ABR: variants seen among roughly 807,000 people sequenced by gnomAD.
The protein encoded by ABR is active breakpoint cluster region-related protein.
Under a neutral mutation model 107.2 loss-of-function variants are expected in ABR, and 35 were observed. That is an observed-to-expected ratio of 0.33 (90% CI 0.25 to 0.43). The LOEUF is 0.43. ABR is among the 20% of genes least tolerant of loss of function. The pLI is 1.00. For synonymous variants in ABR, 498 were observed against 462.0 expected (o/e 1.08, Z -1.00); for missense variants, 815 against 1,115.2 (o/e 0.73, Z 3.83).
intron 1 of ABR, chr17:1,228,712 G>A (rs1417526689): frequency 2.0e-5 from 3 of 151,936 alleles, no homozygotes; most frequent in Non-Finnish European, 4.4e-5. Context: ...CAGGGCCGCG[G>A]AGTCGGCCGG....
rs111739621 is a variant in ABR, at chr17:1,070,850, C to T, written c.895-760G>A. Among the ~76,000 whole-genome samples, 1,289 of 152,222 alleles carry T rather than the reference C, an allele frequency of 8.5e-3. 22 individuals carry two copies. Among genetic ancestry groups the T allele is most frequent in the African/African-American group, 0.029 (1,203 of 41,528 alleles). Reference sequence around the variant, plus strand: ...ACATCTGCTGTAATACGTAGGTGAGCGTATTCAAAGTATACAATTAAGATG... The same window carrying T: ...ACATCTGCTGTAATACGTAGGTGAGTGTATTCAAAGTATACAATTAAGATG... On this transcript the variant is annotated intron_variant, in intron 8 of 22. Transcript: ENST00000302538. The surrounding 1 kb of genome is among the most constrained non-coding windows in gnomAD (Gnocchi z 4.2).
chr17:1,108,364 A>G (rs1369136839), intron 2 of ABR, among the ~76,000 whole-genome samples: 3 of 152,194 alleles, frequency 2.0e-5, no homozygotes, highest in Non-Finnish European at 4.4e-5. Context: ...CGTCAGCCCC[A>G]GAGCGGGTGG....
intron 1 of ABR, among the ~76,000 whole-genome samples, chr17:1,197,589 C>A (rs1399457070): frequency 6.6e-6 from 1 of 151,652 alleles, no homozygotes; most frequent in Non-Finnish European, 1.5e-5. Flanking sequence ...GTTGCTGTTT[C>A]TGTCTGATTG....
At chr17:1,046,373 T>G (rs1353595887) in intron 16 of ABR, among the ~76,000 whole-genome samples, 1 of 151,748 alleles carries the variant, frequency 6.6e-6, no homozygotes, top group Non-Finnish European at 1.5e-5. Context: ...CCCGACCTTG[T>G]AATCCGCCCG....
chr17:1,018,849 T>C (rs1420061857), intron 16 of ABR, among the ~76,000 whole-genome samples: 13 of 152,172 alleles, frequency 8.5e-5, no homozygotes, highest in South Asian at 2.1e-4. Context: ...AGCAGACATA[T>C]GCGGTTTAAG....
At chr17:1,031,027 C>T (rs2072688435) in intron 16 of ABR, among the ~76,000 whole-genome samples, 1 of 152,214 alleles carries the variant, frequency 6.6e-6, no homozygotes, top group Non-Finnish European at 1.5e-5. Flanking sequence ...TGCAGGGGCA[C>T]CGGCGGTCTG....
intron 1 of ABR, chr17:1,186,754 C>T (rs1018994278): frequency 2.6e-5 from 4 of 152,460 alleles, no homozygotes; most frequent in Admixed American, 6.5e-5. Flanking sequence ...AGGGTCCGTC[C>T]GAGGGCTCGA....
intron 2 of ABR, 58 bp downstream of exon 2, chr17:1,125,125 T>C (rs2151450475): frequency 6.7e-7 from 1 of 1,492,050 alleles, no homozygotes; most frequent in South Asian, 1.3e-5. Flanking sequence ...TGGCCCACGA[T>C]GCCCAGGCCT....
intron 1 of ABR, among the ~76,000 whole-genome samples, chr17:1,164,570 TCTAC>T (rs2041430328): frequency 6.7e-6 from 1 of 149,514 alleles, no homozygotes; most frequent in African/African-American, 2.5e-5. Context: ...AAGCTTTCGG[TCTAC>T]AGATAAAATG....
intron 16 of ABR, among the ~76,000 whole-genome samples, chr17:1,046,883 G>A (rs1339690027): frequency 6.6e-6 from 1 of 152,206 alleles, no homozygotes. Flanking sequence ...ATCACACGAG[G>A]AGATGGCATT....
At chr17:1,091,495 G>T (rs2289632) in intron 4 of ABR, among the ~76,000 whole-genome samples, 170 bp downstream of exon 4, 17,265 of 152,208 alleles carry the variant, frequency 0.11, 1,132 homozygotes, top group South Asian at 0.19. Context: ...TCAAGGCCCC[G>T]GCCCCAGGCA....
At chr17:1,065,736 C>A (rs980430670) in intron 10 of ABR, among the ~76,000 whole-genome samples, 1 of 134,974 alleles carries the variant, frequency 7.4e-6, no homozygotes, top group Non-Finnish European at 1.5e-5. Flanking sequence ...ACTTTCCAAA[C>A]CAATGCTTTT....
chr17:1,220,988 C>G (rs1340753044), intron 1 of ABR, among the ~76,000 whole-genome samples: 2 of 152,034 alleles, frequency 1.3e-5, no homozygotes, highest in East Asian at 1.9e-4. Flanking sequence ...TGCACAGGGC[C>G]GTGGCTCCGT....
rs2036475004 is a variant in ABR, at chr17:1,084,624, AT to A, written c.532-998del. 6.6e-6 allele frequency among the ~76,000 whole-genome samples: 1 copy of A among 152,134 alleles called. No homozygotes were observed. Among genetic ancestry groups the A allele is most frequent in the African/African-American group, 2.4e-5 (1 of 41,434 alleles). On this transcript the variant is annotated intron_variant, in intron 4 of 22. Coordinates refer to ENST00000302538, the MANE Select transcript of ABR (RefSeq NM_021962.5). This position sits in a 1 kb window ranked among gnomAD's most constrained non-coding sequence, Gnocchi z 4.2. ...GGGGAAACCGAGGCTCCATAAGTCA[AT>A]TCCCCAAATATTTATGGAAAGGCTT...
intron 16 of ABR, among the ~76,000 whole-genome samples, chr17:1,036,666 G>A (rs1323751366): frequency 1.3e-5 from 2 of 152,120 alleles, no homozygotes; most frequent in African/African-American, 4.8e-5. Context: ...GTGCGAGTTG[G>A]GCGGGAGGAT....
At chr17:1,012,579 TA>T in intron 18 of ABR, 108 bp downstream of exon 18, 1 of 799,898 alleles carries the variant, frequency 1.3e-6, no homozygotes, top group Non-Finnish European at 2.1e-6. Flanking sequence ...GAGCGGGGGG[TA>T]ACTGATTAGG....
chr17:1,143,468 C>G lies in ABR; in HGVS notation c.62-18101G>C, dbSNP rs1305463865. Among the ~76,000 whole-genome samples, 3 of 107,828 alleles carry G rather than the reference C, an allele frequency of 2.8e-5. No individual in the cohort carries two copies. In the Admixed American group the frequency reaches 3.2e-4, roughly 11 times the overall value. The allele number at this position is 107,828 out of a possible 152,430, so 70.7% of individuals were successfully genotyped here. ...GACAGCTCGCTCCTGGGGGGCAGCT[C>G]ATTCCTGGGGGGCAGCTCGCTCCTG... On this transcript the variant is annotated intron_variant, in intron 1 of 22. Transcript: ENST00000302538.
At chr17:1,183,813 G>A (rs1052265082), upstream of ABR, among the ~76,000 whole-genome samples, 1 of 152,180 alleles carries the variant, frequency 6.6e-6, no homozygotes, top group African/African-American at 2.4e-5. Flanking sequence ...GTGGGTGGGA[G>A]GGAGTGGGGC....
chr17:1,012,614 A>AGGGCTGGGGGGCCC (rs910891171), intron 18 of ABR, 74 bp downstream of exon 18: 2 of 1,087,706 alleles, frequency 1.8e-6, no homozygotes, highest in Admixed American at 2.0e-5. Context: ...ACCGGCGGGG[A>AGGGCTGGGGGGCCC]GGGCTGGGGG....
Sources: gnomAD v4.1 joint callset for allele counts (sites outside exome capture counted in the v4.1 genomes callset) on GRCh38, gnomAD v4.1.1 for gene constraint, Gnocchi (gnomAD v3.1) non-coding constraint, MANE v1.5 for transcripts, NCBI Gene and HGNC (gene_info 2026-07-23, HGNC 2026-07-21) for gene names.